TMEM232: variants seen among roughly 807,000 people sequenced by gnomAD.
TMEM232 encodes transmembrane protein 232.
In TMEM232, 80 loss-of-function variants were observed where a neutral mutation model predicts 78.8. The observed-to-expected ratio is 1.01, with a 90% confidence interval of 0.85 to 1.22. The LOEUF is 1.22. Ranked by LOEUF, TMEM232 falls within the 50% of genes most tolerant of loss-of-function variation. The pLI is 0.00. For missense variants in TMEM232, 881 were observed against 742.2 expected, an observed-to-expected ratio of 1.19 and a Z score of -2.17; for synonymous variants, 297 against 254.3, an observed-to-expected ratio of 1.17 and a Z score of -1.60.
At chr5:110,588,380 A>G (rs1452550469) in intron 10 of TMEM232, among the ~76,000 whole-genome samples, 1 of 152,142 alleles carries the variant, frequency 6.6e-6, no homozygotes, top group African/African-American at 2.4e-5. Flanking sequence ...TATTATTGGA[A>G]TAAATTATTG....
At chr5:110,569,350 T>C (rs1776678922) in intron 10 of TMEM232, among the ~76,000 whole-genome samples, 1 of 151,868 alleles carries the variant, frequency 6.6e-6, no homozygotes. Flanking sequence ...CTTACCTAGA[T>C]ATTGTATATT....
chr5:110,578,142 C>T (rs2149715999), intron 10 of TMEM232, among the ~76,000 whole-genome samples: 1 of 152,002 alleles, frequency 6.6e-6, no homozygotes, highest in South Asian at 2.1e-4. Context: ...GTAGTTGATT[C>T]TCTTTTCAAT....
intron 2 of TMEM232, among the ~76,000 whole-genome samples, chr5:110,653,785 G>A (rs1406370435): frequency 6.6e-6 from 1 of 152,114 alleles, no homozygotes; most frequent in Non-Finnish European, 1.5e-5. Flanking sequence ...GCCATTCTGG[G>A]CATAGAGAGG....
intron 12 of TMEM232, among the ~76,000 whole-genome samples, chr5:110,444,157 C>G (rs188229653): frequency 1.3e-5 from 2 of 152,160 alleles, no homozygotes; most frequent in African/African-American, 2.4e-5. Context: ...CAAGGAGATA[C>G]CTAGGAATTG....
chr5:110,676,388 AG>A (rs1792026950), intron 1 of TMEM232, among the ~76,000 whole-genome samples: 1 of 149,758 alleles, frequency 6.7e-6, no homozygotes. Context: ...AGTAGTGTAC[AG>A]GGTTCCCTTT....
chr5:110,639,479 C>A (rs559098207), intron 4 of TMEM232, among the ~76,000 whole-genome samples: 1 of 152,168 alleles, frequency 6.6e-6, no homozygotes, highest in Non-Finnish European at 1.5e-5. Flanking sequence ...CCTCTATATG[C>A]ACATTTCTTT....
intron 12 of TMEM232, among the ~76,000 whole-genome samples, chr5:110,524,399 G>GA (rs1561623759): frequency 0.02 from 1,449 of 71,378 alleles, 25 homozygotes; most frequent in African/African-American, 0.11. Flanking sequence ...AAGAAAGAAA[G>GA]AAAGAAAGAA....
At chr5:110,391,645 A>T (rs1488119403) in intron 3 of TMEM232, among the ~76,000 whole-genome samples, 1 of 152,170 alleles carries the variant, frequency 6.6e-6, no homozygotes, top group Non-Finnish European at 1.5e-5. Flanking sequence ...GTAGTTATGG[A>T]CTAAAGCATA....
chr5:110,737,813 T>TATAGTAA (rs1799349227), intron 1 of TMEM232, among the ~76,000 whole-genome samples: 1 of 152,248 alleles, frequency 6.6e-6, no homozygotes, highest in Non-Finnish European at 1.5e-5. Flanking sequence ...GATTACTATA[T>TATAGTAA]ATTTTAAAAT....
intron 10 of TMEM232, among the ~76,000 whole-genome samples, chr5:110,572,527 T>C (rs1474582938): frequency 6.6e-6 from 1 of 152,078 alleles, no homozygotes; most frequent in Non-Finnish European, 1.5e-5. Context: ...CACTTTCCTC[T>C]ATGTATTTTA....
chr5:110,615,109 T>G (rs1186032967), intron 8 of TMEM232, among the ~76,000 whole-genome samples: 2 of 152,094 alleles, frequency 1.3e-5, no homozygotes, highest in East Asian at 3.9e-4. Context: ...TCTAAAGTGT[T>G]TTTAGGGAAA....
At chr5:110,492,072 C>G (rs973636914) in intron 12 of TMEM232, among the ~76,000 whole-genome samples, 1 of 151,586 alleles carries the variant, frequency 6.6e-6, no homozygotes, top group African/African-American at 2.4e-5. Context: ...TCCAATTGTA[C>G]AAAAACCTTG....
intron 12 of TMEM232, among the ~76,000 whole-genome samples, chr5:110,438,763 A>G (rs1320439183): frequency 6.6e-6 from 1 of 152,110 alleles, no homozygotes; most frequent in African/African-American, 2.4e-5. Flanking sequence ...TTTATCATTA[A>G]CAAAATTAGA....
intron 7 of TMEM232, among the ~76,000 whole-genome samples, chr5:110,620,577 A>ATCTATC (rs1783509658): frequency 2.3e-5 from 1 of 43,090 alleles, no homozygotes; most frequent in Non-Finnish European, 4.5e-5. Flanking sequence ...TGTCTCTCAT[A>ATCTATC]TCTCTCTCTC....
chr5:110,391,290 A>AGT (rs1580538965), intron 3 of TMEM232, among the ~76,000 whole-genome samples: 1 of 36,678 alleles, frequency 2.7e-5, no homozygotes, highest in Non-Finnish European at 6.6e-5. Context: ...CTCCCGTTTG[A>AGT]ATGTGTGTGT....
chr5:110,429,171 G>T (rs1205011084), intron 12 of TMEM232, among the ~76,000 whole-genome samples: 1 of 151,782 alleles, frequency 6.6e-6, no homozygotes, highest in Non-Finnish European at 1.5e-5. Flanking sequence ...CGGTATACCG[G>T]GAAAATGGCT....
intron 12 of TMEM232, among the ~76,000 whole-genome samples, chr5:110,511,532 ATTATT>A (rs1767750544): frequency 6.6e-6 from 1 of 152,004 alleles, no homozygotes; most frequent in South Asian, 2.1e-4. Flanking sequence ...ATATTTATAG[ATTATT>A]TTATACTATA....
At position 110,638,260 on chromosome 5, in the gene TMEM232, T is replaced by A; in HGVS notation, c.439A>T (p.Arg147Ter). ...LFFVAESVLY[R>*]LCCDASLKTY... Reference sequence around the variant, plus strand: ...TTGAGGGATGCATCACAACACAGTCTGTATAAAACCGATTCCGCAACAAAA... The same window carrying A: ...TTGAGGGATGCATCACAACACAGTCAGTATAAAACCGATTCCGCAACAAAA... The change falls in exon 5 of 14, where the codon AGA (arginine) becomes TGA (stop). Residue 147 changes from arginine (R) to a stop codon, truncating the protein, a stop_gained. Transcript: ENST00000455884. LOFTEE classifies it high-confidence loss of function. 1 of 1,550,774 alleles carries A rather than the reference T, an allele frequency of 6.4e-7. No homozygotes were observed. Among genetic ancestry groups the A allele is most frequent in the Non-Finnish European group, 8.7e-7 (1 of 1,146,478 alleles).
chr5:110,584,992 G>T (rs980387781), intron 10 of TMEM232, among the ~76,000 whole-genome samples: 4 of 152,090 alleles, frequency 2.6e-5, no homozygotes, highest in Non-Finnish European at 1.5e-5. Flanking sequence ...TCTGGTTCAT[G>T]GGTCTTTTCC....
Sources: gnomAD v4.1 joint callset for allele counts (sites outside exome capture counted in the v4.1 genomes callset) on GRCh38, gnomAD v4.1.1 for gene constraint, MANE v1.5 for transcripts, NCBI Gene and HGNC (gene_info 2026-07-23, HGNC 2026-07-21) for gene names.